The following PSG5 variants were observed in gnomAD, a reference collection of about 807,000 sequenced individuals.
PSG5 encodes the protein pregnancy specific beta-1-glycoprotein 5.
Under a neutral mutation model 37.7 loss-of-function variants are expected in PSG5, and 53 were observed. The observed-to-expected ratio is 1.41, with a 90% CI of 1.13 to 1.77. The LOEUF is 1.77. PSG5 is among the 40% of genes most tolerant of loss of function. PSG5 has a pLI of 0.00. For missense variants in PSG5, 547 were observed against 405.2 expected (o/e 1.35, Z -3.00); for synonymous variants, 221 against 155.4 (o/e 1.42, Z -3.14).
rs916955461 is a variant in PSG5, at chr19:43,185,791, T to A, written c.64+551A>T. ...TTGCTGAGGACAGTGTTTCATGTCC[T>A]GCTTATACTTTTATTAGAAGTGTCA... On this transcript the variant is annotated intron_variant, in intron 1 of 5. Coordinates refer to ENST00000342951, the MANE Select transcript of PSG5 (RefSeq NM_002781.4). 1.4e-4 allele frequency among the ~76,000 whole-genome samples: 21 copies of A among 150,500 alleles called. 1 individual carries two copies. Among genetic ancestry groups the A allele is most frequent in the African/African-American group, 5.2e-4 (21 of 40,542 alleles).
Position 43,185,113 on chromosome 19 carries a change from A to G in PSG5, c.99T>C (p.Thr33=). The G allele has an allele frequency of 1.2e-6, 2 of 1,609,966 alleles. No homozygotes were observed. The highest frequency in any genetic ancestry group is 1.7e-6 in the Non-Finnish European group (2 of 1,177,602). The change falls in exon 2 of 6, where the codon ACT becomes ACC. Residue 33 remains threonine (T), a synonymous_variant. Transcript: ENST00000342951. ...SLLNFWNLPI[T]AQVTIEALPP... ...GCAGGGCTTCAATCGTGACTTGAGC[A>G]GTGATAGGCAGGTTCCAGAAGTTTA...
rs1175701112 is a variant in PSG5 at position 43,168,084 on chromosome 19, TA to T, written c.*159del. ...TAGTCCAGTGGTATGATCTTGAAGTTATCAGGAACTTGTATTCAAGAGTCCT... is the reference window on the plus strand; with the variant it reads ...TAGTCCAGTGGTATGATCTTGAAGTTTCAGGAACTTGTATTCAAGAGTCCT... On this transcript the variant is annotated 3_prime_UTR_variant, in exon 6 of 6. Transcript: ENST00000342951. 2.3e-6 allele frequency: 1 copy of T among 443,694 alleles called. No homozygotes were observed. The highest frequency in any genetic ancestry group is 4.0e-6 in the Non-Finnish European group (1 of 247,426). 27.5% of individuals were successfully genotyped at this position (443,694 alleles called of 1,614,324 possible).
chr19:43,181,261 A>T (rs1969122200), intron 2 of PSG5, among the ~76,000 whole-genome samples: 1 of 151,670 alleles, frequency 6.6e-6, no homozygotes. Flanking sequence ...CACAACTACA[A>T]AATTTAAAAA....
At chr19:43,176,819 T>C (rs1969021615) in intron 2 of PSG5, among the ~76,000 whole-genome samples, 1 of 150,702 alleles carries the variant, frequency 6.6e-6, no homozygotes, top group African/African-American at 2.5e-5. Context: ...AGGAATGATC[T>C]AGAAGGAGTC....
At position 43,182,413 on chromosome 19, in the gene PSG5, C is replaced by A. The variant is rs139599134; in HGVS notation, c.430+2369G>T. On this transcript the variant is annotated intron_variant, in intron 2 of 5. Transcript: ENST00000342951. ...TGTTTCTCATTCTTTTGCATTCTGGCAACCGGCTGACCTCATTCATACCTA... is the reference window on the plus strand; with the variant it reads ...TGTTTCTCATTCTTTTGCATTCTGGAAACCGGCTGACCTCATTCATACCTA... Among the ~76,000 whole-genome samples the A allele has an allele frequency of 6.6e-3, 1,008 of 151,670 alleles. 38 individuals are homozygous for A. The highest frequency in any genetic ancestry group is 0.023 in the African/African-American group (946 of 41,232).
chr19:43,178,217 T>C (rs1247487067), intron 2 of PSG5, among the ~76,000 whole-genome samples: 1 of 151,602 alleles, frequency 6.6e-6, no homozygotes, highest in Non-Finnish European at 1.5e-5. Context: ...GCTCCAGGGA[T>C]CCACTTACCA....
At chr19:43,182,723 T>TTTTTTTTTTTTTTTTTTTA (rs1969155670) in intron 2 of PSG5, among the ~76,000 whole-genome samples, 1 of 134,800 alleles carries the variant, frequency 7.4e-6, no homozygotes, top group Non-Finnish European at 1.6e-5. Context: ...TTTTTTTTTT[T>TTTTTTTTTTTTTTTTTTTA]GTGCAGGAGG....
intron 5 of PSG5, among the ~76,000 whole-genome samples, chr19:43,168,911 C>T (rs1213756218): frequency 2.6e-5 from 4 of 151,488 alleles, no homozygotes; most frequent in Admixed American, 6.6e-5. Context: ...TCCAGTACTT[C>T]TAGCTGAAAA....
In PSG5 at chr19:43,175,295, T is replaced by C. The variant is rs1189980207; in HGVS notation, c.884A>G (p.His295Arg). 10 of 1,612,806 alleles carry C rather than the reference T, an allele frequency of 6.2e-6. No individual in the cohort carries two copies. The highest frequency in any genetic ancestry group is 7.6e-6 in the Non-Finnish European group (9 of 1,179,228). ...KLSIPQITTK[H>R]RGLYTCSVRN... The stretch of plus-strand genomic sequence containing the variant: ...AACAGAGCAAGTATAGAGCCCTCTA[T>C]GCTTTGTAGTAATTTGGGGGATAGA... The change falls in exon 4 of 6, where the codon CAT becomes CGT. Residue 295 changes from histidine to arginine, a missense_variant. By Grantham distance (29) the His-to-Arg change is conservative. Coordinates refer to ENST00000342951, the MANE Select transcript of PSG5 (RefSeq NM_002781.4).
chr19:43,181,658 A>C (rs1270688129), intron 2 of PSG5, among the ~76,000 whole-genome samples: 4 of 151,664 alleles, frequency 2.6e-5, no homozygotes, highest in East Asian at 1.9e-4. Context: ...CGGAGTTTCA[A>C]CATGTTAGCC....
intron 4 of PSG5, among the ~76,000 whole-genome samples, chr19:43,173,174 C>A (rs1221137897): frequency 6.6e-6 from 1 of 151,560 alleles, no homozygotes; most frequent in Non-Finnish European, 1.5e-5. Flanking sequence ...TATCCAAGGG[C>A]AAGAGAGTGG....
At chr19:43,178,305 A>G (rs1273007965) in intron 2 of PSG5, among the ~76,000 whole-genome samples, 17 of 151,448 alleles carry the variant, frequency 1.1e-4, no homozygotes, top group Admixed American at 6.6e-4. Context: ...AGATCCCTCT[A>G]TGTTTTGGTG....
At chr19:43,180,489 G>A (rs1969105350) in intron 2 of PSG5, 1 of 151,464 alleles carries the variant, frequency 6.6e-6, no homozygotes. Context: ...GTTGAGTTTT[G>A]GAGCATTTCA....
At chr19:43,170,296 C>T (rs1395973761) in intron 4 of PSG5, 158 bp from the exon 5 acceptor site, 3 of 799,950 alleles carry the variant, frequency 3.8e-6, no homozygotes, top group Non-Finnish European at 5.5e-6. Flanking sequence ...TATATTCTTG[C>T]AGTTTTTTTT....
intron 2 of PSG5, among the ~76,000 whole-genome samples, chr19:43,182,432 A>C (rs1969147762): frequency 6.6e-6 from 1 of 151,520 alleles, no homozygotes; most frequent in Non-Finnish European, 1.5e-5. Context: ...GACCTCATTC[A>C]TACCTATGAC....
At position 43,177,180 on chromosome 19, in the gene PSG5, T is replaced by G. The variant is rs770173452; in HGVS notation, c.431-1032A>C. On this transcript the variant is annotated intron_variant, in intron 2 of 5. Coordinates refer to ENST00000342951, the MANE Select transcript of PSG5 (RefSeq NM_002781.4). ...GAGTGAATATGAGAAGAGACTGCTG[T>G]TTGCCAGGAGCTGGGAGTGGGGAGA... 3.6e-4 allele frequency among the ~76,000 whole-genome samples: 54 copies of G among 151,668 alleles called. 1 individual carries two copies. Among genetic ancestry groups the G allele is most frequent in the Middle Eastern group, 3.4e-3 (1 of 292 alleles).
At chr19:43,180,409 T>G in intron 2 of PSG5, 1 of 151,696 alleles carries the variant, frequency 6.6e-6, no homozygotes, top group East Asian at 1.9e-4. Context: ...GCATCCCAAA[T>G]CTGAAAAATT....
intron 2 of PSG5, among the ~76,000 whole-genome samples, chr19:43,180,163 T>G (rs1969097647): frequency 6.6e-6 from 1 of 151,368 alleles, no homozygotes; most frequent in African/African-American, 2.4e-5. Context: ...GATTCCAGAG[T>G]GAATCAGAGA....
Position 43,176,008 on chromosome 19 carries a change from G to T in PSG5, c.571C>A (p.Pro191Thr). The change falls in exon 3 of 6, where the codon CCC becomes ACC. Residue 191 changes from proline (P) to threonine (T), a missense_variant. Coordinates refer to ENST00000342951, the MANE Select transcript of PSG5 (RefSeq NM_002781.4). ...TTTTCAATGGGTCGCTTTACCCTGG[G>T]ACTGACCGGGAGGCTCTGACCATTT... ...WLNGQSLPVSPRVKRPIENRI... is the reference protein window; with the variant it reads ...WLNGQSLPVSTRVKRPIENRI... 1 of 1,611,298 alleles carries T rather than the reference G, an allele frequency of 6.2e-7. No individual in the cohort carries two copies. Among genetic ancestry groups the T allele is most frequent in the Non-Finnish European group, 8.5e-7 (1 of 1,179,170 alleles).
Sources: gnomAD v4.1 joint callset for allele counts (sites outside exome capture counted in the v4.1 genomes callset) on GRCh38, gnomAD v4.1.1 for gene constraint, MANE v1.5 for transcripts, NCBI Gene and HGNC (gene_info 2026-07-23, HGNC 2026-07-21) for gene names.